The following ATP9A variants were observed in gnomAD, a reference collection of about 807,000 sequenced individuals.
The protein encoded by ATP9A is probable phospholipid-transporting ATPase IIA.
ATP9A carries 52 observed loss-of-function variants against 144.1 expected under a neutral mutation model. That is an observed-to-expected ratio of 0.36 (90% confidence interval 0.29 to 0.45). The LOEUF is 0.45. Ranked by LOEUF, ATP9A falls within the 20% of genes least tolerant of loss-of-function variation. The pLI is 1.00. For synonymous variants in ATP9A, 582 were observed against 557.4 expected (o/e 1.04, Z -0.62); for missense variants, 947 against 1,392.7 (o/e 0.68, Z 5.09).
chr20:51,748,350 G>T (rs2077816959), intron 1 of ATP9A, among the ~76,000 whole-genome samples: 1 of 152,162 alleles, frequency 6.6e-6, no homozygotes, highest in Non-Finnish European at 1.5e-5. Flanking sequence ...AAAGAAGAGA[G>T]GAGGGAGGAG....
intron 13 of ATP9A, among the ~76,000 whole-genome samples, chr20:51,669,610 G>C (rs1305926761): frequency 6.6e-6 from 1 of 152,150 alleles, no homozygotes; most frequent in Non-Finnish European, 1.5e-5. Flanking sequence ...GGTTCCTTCT[G>C]GTTCTATTTA....
At chr20:51,647,533 A>G (rs761255251) in intron 14 of ATP9A, among the ~76,000 whole-genome samples, 1 of 152,116 alleles carries the variant, frequency 6.6e-6, no homozygotes, top group Non-Finnish European at 1.5e-5. Flanking sequence ...CCTGAGCAAC[A>G]GAGCAAGACT....
intron 1 of ATP9A, among the ~76,000 whole-genome samples, chr20:51,745,548 G>C (rs147160413): frequency 2.2e-4 from 33 of 152,318 alleles, no homozygotes; most frequent in Non-Finnish European, 1.3e-4. Context: ...GGATGTGTTT[G>C]ATTGTCACTA....
chr20:51,678,278 A>G (rs1422488867), intron 9 of ATP9A, among the ~76,000 whole-genome samples: 6 of 152,094 alleles, frequency 3.9e-5, no homozygotes, highest in Non-Finnish European at 1.5e-5. Context: ...TCTCTGCCAG[A>G]AAGAGAAAAC....
intron 8 of ATP9A, 96 bp downstream of exon 8, chr20:51,690,643 A>T: frequency 9.2e-7 from 1 of 1,085,382 alleles, no homozygotes; most frequent in Non-Finnish European, 1.4e-6. Context: ...GGCATGAAAC[A>T]ACTTCCTGAC....
intron 4 of ATP9A, among the ~76,000 whole-genome samples, chr20:51,699,792 A>T (rs2122831820): frequency 6.6e-6 from 1 of 151,978 alleles, no homozygotes. Context: ...ACAGGCACCC[A>T]CCACCAAGAC....
At chr20:51,714,384 T>G (rs943825339) in intron 3 of ATP9A, among the ~76,000 whole-genome samples, 2 of 151,718 alleles carry the variant, frequency 1.3e-5, no homozygotes, top group Middle Eastern at 6.8e-3. Flanking sequence ...GGTTTGTTGT[T>G]GTTGTTGTTG....
intron 4 of ATP9A, among the ~76,000 whole-genome samples, chr20:51,712,396 G>A (rs2077643618): frequency 6.6e-6 from 1 of 152,016 alleles, no homozygotes; most frequent in African/African-American, 2.4e-5. Context: ...TTTTGTTTTT[G>A]AGCCCAATAC....
intron 1 of ATP9A, among the ~76,000 whole-genome samples, chr20:51,749,280 T>G (rs1276718020): frequency 6.6e-6 from 1 of 152,312 alleles, no homozygotes; most frequent in Middle Eastern, 3.4e-3. Context: ...TTTTTTTTTT[T>G]GAGACGGAGT....
intron 13 of ATP9A, among the ~76,000 whole-genome samples, chr20:51,657,435 T>G (rs2122770163): frequency 6.6e-6 from 1 of 152,080 alleles, no homozygotes; most frequent in East Asian, 1.9e-4. Flanking sequence ...CCTGGGGTGG[T>G]GTCGGGGGCT....
intron 3 of ATP9A, among the ~76,000 whole-genome samples, chr20:51,718,373 T>TGGG (rs554559902): frequency 2.4e-4 from 36 of 147,596 alleles, no homozygotes; most frequent in South Asian, 4.6e-4. Flanking sequence ...TATGTGTGTG[T>TGGG]GGGGGGGGGT....
intron 11 of ATP9A, among the ~76,000 whole-genome samples, chr20:51,672,626 C>A (rs958639409): frequency 1.3e-5 from 2 of 152,090 alleles, no homozygotes; most frequent in Admixed American, 6.5e-5. Flanking sequence ...GACAAATTCT[C>A]ACCAAGATGA....
chr20:51,712,532 A>C (rs557669477), intron 4 of ATP9A, among the ~76,000 whole-genome samples: 1 of 152,320 alleles, frequency 6.6e-6, no homozygotes, highest in African/African-American at 2.4e-5. Flanking sequence ...TATTTATCTA[A>C]ATCGGTTGCC....
chr20:51,616,475 C>T (rs1438016693), intron 22 of ATP9A, among the ~76,000 whole-genome samples: 2 of 152,112 alleles, frequency 1.3e-5, no homozygotes, highest in African/African-American at 2.4e-5. Flanking sequence ...TGTGCCACCA[C>T]ATCTCACTAA....
intron 1 of ATP9A, chr20:51,734,861 C>G (rs536566235): frequency 9.2e-6 from 2 of 216,552 alleles, no homozygotes; most frequent in Non-Finnish European, 2.0e-5. Flanking sequence ...AGCCCAAGAT[C>G]TCAAAGGGTG....
At chr20:51,689,664 C>T (rs1466846848) in intron 8 of ATP9A, among the ~76,000 whole-genome samples, 10 of 151,722 alleles carry the variant, frequency 6.6e-5, no homozygotes, top group Non-Finnish European at 1.2e-4. Flanking sequence ...TCAGGAGATC[C>T]GCTCACCTCA....
At chr20:51,613,581 C>G in intron 23 of ATP9A, 96 bp downstream of exon 23, 1 of 1,283,646 alleles carries the variant, frequency 7.8e-7, no homozygotes, top group Admixed American at 2.6e-5. Flanking sequence ...ATGATAATTA[C>G]ATAGCCACAT....
intron 14 of ATP9A, among the ~76,000 whole-genome samples, chr20:51,646,058 G>A (rs1436165547): frequency 6.6e-6 from 1 of 152,202 alleles, no homozygotes; most frequent in Non-Finnish European, 1.5e-5. Context: ...AGGGCGGGGA[G>A]GGGATCCTGT....
In ATP9A at chr20:51,610,181, A is replaced by G; in HGVS notation, c.2572-16T>C. ...AAAAGACAGCCTGTGCCAAGGAGAG[A>G]GGAGGATGTCACCAAAAGTCATGAC... On this transcript the variant is annotated splice_polypyrimidine_tract_variant and intron_variant, in intron 23 of 27. Transcript: ENST00000338821. 1 of 1,596,196 alleles carries G rather than the reference A, an allele frequency of 6.3e-7. No individual in the cohort carries two copies. Among genetic ancestry groups the G allele is most frequent in the African/African-American group, 1.3e-5 (1 of 74,602 alleles).
Sources: allele counts gnomAD v4.1 joint callset (sites outside exome capture counted in the v4.1 genomes callset), GRCh38; gene constraint gnomAD v4.1.1; transcripts MANE v1.5; gene names NCBI Gene and HGNC (gene_info 2026-07-23, HGNC 2026-07-21).